The following LIN7A variants were observed in gnomAD, a reference collection of about 807,000 sequenced individuals.
LIN7A encodes the protein protein lin-7 homolog A.
In LIN7A, 25 loss-of-function variants were observed where a neutral mutation model predicts 29.8. The observed-to-expected ratio is 0.84, with a 90% CI of 0.61 to 1.17. LIN7A has a LOEUF of 1.17. LIN7A is among the 50% of genes most tolerant of loss of function. The pLI, the probability that LIN7A is intolerant of heterozygous loss-of-function variation, is 0.00. For synonymous variants in LIN7A, 118 were observed against 107.5 expected (o/e 1.10, Z -0.60); for missense variants, 239 against 287.0 (o/e 0.83, Z 1.21).
intron 2 of LIN7A, among the ~76,000 whole-genome samples, chr12:80,867,434 A>T (rs2120463741): frequency 6.6e-6 from 1 of 152,292 alleles, no homozygotes; most frequent in East Asian, 1.9e-4. Flanking sequence ...CCCTTCCCTG[A>T]GTCAGACAGG....
chr12:80,927,780 A>T (rs1231020789), intron 1 of LIN7A, among the ~76,000 whole-genome samples: 3 of 152,152 alleles, frequency 2.0e-5, no homozygotes, highest in Non-Finnish European at 4.4e-5. Flanking sequence ...ACATAGGTAT[A>T]CATGTGCCAC....
chr12:80,855,992 C>G (rs886111759), intron 2 of LIN7A, among the ~76,000 whole-genome samples: 1 of 151,978 alleles, frequency 6.6e-6, no homozygotes, highest in Non-Finnish European at 1.5e-5. Context: ...TTTCTATATG[C>G]TTTTGTAACT....
intron 1 of LIN7A, among the ~76,000 whole-genome samples, chr12:80,895,970 C>T (rs919310974): frequency 6.6e-6 from 1 of 152,176 alleles, no homozygotes; most frequent in Non-Finnish European, 1.5e-5. Flanking sequence ...ATTTGGTTAT[C>T]TATGGCTTTC....
intron 4 of LIN7A, among the ~76,000 whole-genome samples, chr12:80,827,280 G>A (rs932600508): frequency 6.6e-5 from 10 of 151,966 alleles, no homozygotes; most frequent in Non-Finnish European, 1.5e-4. Flanking sequence ...CCAGCTACTC[G>A]GGAGGCTGAG....
At chr12:80,852,907 G>T (rs371592443) in intron 2 of LIN7A, among the ~76,000 whole-genome samples, 8 of 152,258 alleles carry the variant, frequency 5.3e-5, no homozygotes, top group African/African-American at 1.9e-4. Flanking sequence ...CTGGGAAAGC[G>T]TTACTCTCGT....
chr12:80,837,688 A>G (rs1486714494), intron 4 of LIN7A, among the ~76,000 whole-genome samples: 10 of 152,220 alleles, frequency 6.6e-5, no homozygotes, highest in African/African-American at 9.6e-5. Flanking sequence ...TATAGCAGCC[A>G]TAGGAAACTA....
intron 4 of LIN7A, among the ~76,000 whole-genome samples, chr12:80,832,893 T>A (rs56197492): frequency 6.6e-6 from 1 of 151,488 alleles, no homozygotes; most frequent in Non-Finnish European, 1.5e-5. Flanking sequence ...TCAAAAGGTC[T>A]GGGGACATTT....
In LIN7A at chr12:80,813,732, A is replaced by G. The variant is rs142517109; in HGVS notation, c.484-2049T>C. On this transcript the variant is annotated intron_variant, in intron 4 of 5. Transcript: ENST00000552864. Reference sequence around the variant, plus strand: ...GAGAAGCAAAAAGAAGAAAGTTGTAATTAGACTTTATAGGACCCTACATAA... The same window carrying G: ...GAGAAGCAAAAAGAAGAAAGTTGTAGTTAGACTTTATAGGACCCTACATAA... 2.6e-3 allele frequency among the ~76,000 whole-genome samples: 397 copies of G among 152,240 alleles called. 6 individuals are homozygous for G. Among genetic ancestry groups the G allele is most frequent in the East Asian group, 7.5e-3 (39 of 5,172 alleles).
intron 5 of LIN7A, among the ~76,000 whole-genome samples, chr12:80,809,718 C>G (rs1871198568): frequency 6.6e-6 from 1 of 152,102 alleles, no homozygotes; most frequent in South Asian, 2.1e-4. Context: ...GTAGGAACTT[C>G]TAAGATGGGG....
intron 2 of LIN7A, among the ~76,000 whole-genome samples, chr12:80,886,481 T>A (rs896326963): frequency 1.1e-5 from 1 of 89,946 alleles, no homozygotes; most frequent in Admixed American, 1.0e-4. Flanking sequence ...ATCAACACAA[T>A]AAGAATAATA....
intron 1 of LIN7A, among the ~76,000 whole-genome samples, chr12:80,931,327 C>G (rs865909427): frequency 6.6e-6 from 1 of 152,138 alleles, no homozygotes; most frequent in Non-Finnish European, 1.5e-5. Flanking sequence ...GAGTCATTCT[C>G]TTTGTAACTT....
chr12:80,876,114 CAG>C (rs375792708), intron 2 of LIN7A, among the ~76,000 whole-genome samples: 3 of 150,946 alleles, frequency 2.0e-5, no homozygotes, highest in Non-Finnish European at 3.0e-5. Context: ...GACAGAGAGA[CAG>C]AGAGAGAGAG....
At chr12:80,848,633 G>GA (rs879545258) in intron 2 of LIN7A, among the ~76,000 whole-genome samples, 212 of 142,124 alleles carry the variant, frequency 1.5e-3, no homozygotes, top group South Asian at 1.8e-3. Context: ...CTAAAGTACA[G>GA]AAAAAAAAAA....
At chr12:80,830,607 G>A (rs1872299245) in intron 4 of LIN7A, among the ~76,000 whole-genome samples, 1 of 152,066 alleles carries the variant, frequency 6.6e-6, no homozygotes, top group African/African-American at 2.4e-5. Flanking sequence ...ATATAATTGA[G>A]TAGAAGATAT....
chr12:80,838,989 A>C (rs914964702), intron 4 of LIN7A, among the ~76,000 whole-genome samples: 1 of 152,252 alleles, frequency 6.6e-6, no homozygotes, highest in Non-Finnish European at 1.5e-5. Flanking sequence ...ACACATCTGC[A>C]GTGGTGAATT....
chr12:80,829,910 C>T (rs1682175447), intron 4 of LIN7A, among the ~76,000 whole-genome samples: 1 of 152,164 alleles, frequency 6.6e-6, no homozygotes, highest in Non-Finnish European at 1.5e-5. Flanking sequence ...ACTTCTAAAC[C>T]ACTCTTCACA....
chr12:80,861,465 T>C (rs1002464032), intron 2 of LIN7A: 6 of 154,150 alleles, frequency 3.9e-5, no homozygotes, highest in Middle Eastern at 2.3e-3. Context: ...GATGGGGCAG[T>C]TGGCTTCTGC....
At chr12:80,932,694 T>G (rs1877979966) in intron 1 of LIN7A, among the ~76,000 whole-genome samples, 1 of 152,204 alleles carries the variant, frequency 6.6e-6, no homozygotes, top group Non-Finnish European at 1.5e-5. Flanking sequence ...AAAAGTAAAA[T>G]TTGAAGAGTT....
chr12:80,861,412 G>C, intron 2 of LIN7A: 1 of 155,908 alleles, frequency 6.4e-6, no homozygotes, highest in Non-Finnish European at 1.4e-5. Flanking sequence ...CAGAAGTTGT[G>C]CCCACATTTG....
Sources: gnomAD v4.1 joint callset for allele counts (sites outside exome capture counted in the v4.1 genomes callset) on GRCh38, gnomAD v4.1.1 for gene constraint, MANE v1.5 for transcripts, NCBI Gene and HGNC (gene_info 2026-07-23, HGNC 2026-07-21) for gene names.